The following ASIC2 variants were observed in gnomAD, a reference collection of about 807,000 sequenced individuals.
The protein encoded by ASIC2 is acid sensing ion channel subunit 2.
In ASIC2, 25 loss-of-function variants were observed where a neutral mutation model predicts 57.3. That is an observed-to-expected ratio of 0.44 (90% confidence interval 0.32 to 0.61). The LOEUF is 0.61. ASIC2 is among the 20% of genes least tolerant of loss of function. The pLI, the probability that ASIC2 is intolerant of heterozygous loss-of-function variation, is 0.06. For missense variants in ASIC2, 641 were observed against 738.1 expected (o/e 0.87, Z 1.52); for synonymous variants, 319 against 307.5 (o/e 1.04, Z -0.39).
At chr17:33,565,309 G>C (rs1425079746) in intron 1 of ASIC2, among the ~76,000 whole-genome samples, 1 of 152,184 alleles carries the variant, frequency 6.6e-6, no homozygotes, top group African/African-American at 2.4e-5. Flanking sequence ...AGTTATAGGA[G>C]TCAGAGCAGA....
At chr17:33,156,060 T>G (rs1485988191) in intron 1 of ASIC2, among the ~76,000 whole-genome samples, 1 of 152,052 alleles carries the variant, frequency 6.6e-6, no homozygotes, top group African/African-American at 2.4e-5. Flanking sequence ...TTAAAATCTG[T>G]CAGATGGACA....
chr17:34,027,437 CT>C (rs111578445), intron 1 of ASIC2, among the ~76,000 whole-genome samples: 1 of 152,106 alleles, frequency 6.6e-6, no homozygotes, highest in Non-Finnish European at 1.5e-5. Flanking sequence ...TGCTGCCCCC[CT>C]ATAACCATTT....
chr17:34,104,281 G>GT (rs1378750786), intron 1 of ASIC2, among the ~76,000 whole-genome samples: 2 of 151,784 alleles, frequency 1.3e-5, no homozygotes, highest in Admixed American at 6.6e-5. Flanking sequence ...CTGATTTTCC[G>GT]TATGTATCTT....
rs538549655 is a variant in ASIC2 at position 33,725,080 on chromosome 17, G to A, written c.555+430898C>T. Among the ~76,000 whole-genome samples the A allele has an allele frequency of 7.9e-5, 12 of 152,284 alleles. No homozygotes were observed. The South Asian group carries it at 1.2e-3, about 16-fold the overall frequency. ...GGATCCTCGCTCTGCCCTCTGTCACGGGCTCAGCACACGTGGGGCATCCCC... is the reference window on the plus strand; with the variant it reads ...GGATCCTCGCTCTGCCCTCTGTCACAGGCTCAGCACACGTGGGGCATCCCC... On this transcript the variant is annotated intron_variant, in intron 1 of 9. Transcript: ENST00000359872.
At chr17:33,426,323 A>G (rs1054604805) in intron 1 of ASIC2, among the ~76,000 whole-genome samples, 1 of 152,182 alleles carries the variant, frequency 6.6e-6, no homozygotes, top group African/African-American at 2.4e-5. Context: ...CCATTTTAAG[A>G]GACGTGAATG....
intron 1 of ASIC2, among the ~76,000 whole-genome samples, chr17:33,256,340 G>A (rs910219080): frequency 6.6e-6 from 1 of 152,148 alleles, no homozygotes; most frequent in East Asian, 1.9e-4. Flanking sequence ...TGTAGAATAT[G>A]AGCCCAGTGT....
At chr17:33,637,005 TC>T (rs1343732610) in intron 1 of ASIC2, among the ~76,000 whole-genome samples, 1 of 152,056 alleles carries the variant, frequency 6.6e-6, no homozygotes, top group East Asian at 1.9e-4. Flanking sequence ...AACACTTCTT[TC>T]TCCCCTTCCT....
intron 1 of ASIC2, among the ~76,000 whole-genome samples, chr17:33,686,310 T>C (rs1316151257): frequency 6.6e-6 from 1 of 152,126 alleles, no homozygotes; most frequent in Non-Finnish European, 1.5e-5. Context: ...ATTCTTCGGA[T>C]GGAGAACCTA....
At chr17:33,252,158 TCAG>T (rs2142133402) in intron 1 of ASIC2, among the ~76,000 whole-genome samples, 1 of 152,306 alleles carries the variant, frequency 6.6e-6, no homozygotes, top group South Asian at 2.1e-4. Flanking sequence ...GCTATCTTGC[TCAG>T]ATAGTTCATG....
chr17:33,507,435 C>T (rs62055337), intron 1 of ASIC2, among the ~76,000 whole-genome samples: 3 of 152,174 alleles, frequency 2.0e-5, no homozygotes, highest in Non-Finnish European at 2.9e-5. Flanking sequence ...GATTTCCTAC[C>T]TAGACTCTGA....
intron 1 of ASIC2, among the ~76,000 whole-genome samples, chr17:33,576,037 A>G (rs1016969477): frequency 1.8e-4 from 27 of 152,224 alleles, no homozygotes; most frequent in Non-Finnish European, 3.2e-4. Flanking sequence ...AACTGGACAC[A>G]GTTCCTAGTC....
At chr17:33,135,645 C>G (rs1387771567) in intron 1 of ASIC2, among the ~76,000 whole-genome samples, 1 of 152,200 alleles carries the variant, frequency 6.6e-6, no homozygotes, top group Admixed American at 6.5e-5. Context: ...CCGACACTGA[C>G]TTCCTCATGT....
intron 1 of ASIC2, among the ~76,000 whole-genome samples, chr17:33,425,245 G>A (rs537763255): frequency 2.0e-5 from 3 of 152,198 alleles, no homozygotes; most frequent in Non-Finnish European, 4.4e-5. Flanking sequence ...CTAGGGCACT[G>A]CATGGTGCCT....
chr17:34,003,916 C>T (rs1374035447), intron 1 of ASIC2: 1 of 152,250 alleles, frequency 6.6e-6, no homozygotes, highest in East Asian at 1.9e-4. Context: ...TCCCTGGCTT[C>T]CTTTTTTCTG....
At chr17:33,549,508 C>T (rs941862374) in intron 1 of ASIC2, among the ~76,000 whole-genome samples, 1 of 152,144 alleles carries the variant, frequency 6.6e-6, no homozygotes, top group Non-Finnish European at 1.5e-5. Context: ...TTTTTTCTTA[C>T]CTGCTTTAAC....
intron 1 of ASIC2, among the ~76,000 whole-genome samples, chr17:33,123,274 G>T (rs914794007): frequency 2.6e-5 from 4 of 152,196 alleles, no homozygotes; most frequent in South Asian, 2.1e-4. Flanking sequence ...AACTTTAAAA[G>T]GTGGTATAGA....
intron 1 of ASIC2, among the ~76,000 whole-genome samples, chr17:33,717,361 T>G (rs1436518700): frequency 6.6e-6 from 1 of 151,854 alleles, no homozygotes; most frequent in Admixed American, 6.6e-5. Context: ...CTCTGTGGAG[T>G]TGGGCAAGGG....
At chr17:34,084,609 T>C (rs1315327247) in intron 1 of ASIC2, among the ~76,000 whole-genome samples, 2 of 152,228 alleles carry the variant, frequency 1.3e-5, no homozygotes, top group Non-Finnish European at 2.9e-5. Context: ...GAGGATGGCA[T>C]TGAATCTATA....
At chr17:33,448,049 T>TAATAA (rs67408111) in intron 1 of ASIC2, among the ~76,000 whole-genome samples, 7,015 of 139,946 alleles carry the variant, frequency 0.05, 197 homozygotes, top group Middle Eastern at 0.099. Flanking sequence ...TCTTTATGCA[T>TAATAA]AATAAAATAA....
Sources: gnomAD v4.1 joint callset for allele counts (sites outside exome capture counted in the v4.1 genomes callset) on GRCh38, gnomAD v4.1.1 for gene constraint, MANE v1.5 for transcripts, NCBI Gene and HGNC (gene_info 2026-07-23, HGNC 2026-07-21) for gene names.